Variants in ZNF678 observed in about 807,000 individuals in gnomAD.
ZNF678 encodes zinc finger protein 678.
A neutral mutation model predicts 3.0 loss-of-function variants in ZNF678; 5 were observed. The ratio of observed to expected loss-of-function variants is 1.69; its 90% CI spans 0.88 to 3.56. The LOEUF (loss-of-function observed/expected upper bound fraction) is 3.56. Among genes scored for constraint, ZNF678 ranks in the 30% most tolerant of loss-of-function variants. The pLI, the probability that ZNF678 is intolerant of heterozygous loss-of-function variation, is 0.00. For synonymous variants in ZNF678, 218 were observed against 199.6 expected (o/e 1.09, Z -0.78); for missense variants, 593 against 605.0 (o/e 0.98, Z 0.21).
At chr1:227,628,147 C>T (rs1453293228) in intron 1 of ZNF678, among the ~76,000 whole-genome samples, 1 of 152,222 alleles carries the variant, frequency 6.6e-6, no homozygotes, top group Admixed American at 6.5e-5. Flanking sequence ...ATTTTAACTG[C>T]TTCAGATGCT....
intron 1 of ZNF678, among the ~76,000 whole-genome samples, chr1:227,622,333 A>G (rs1362390967): frequency 6.6e-6 from 1 of 152,200 alleles, no homozygotes; most frequent in African/African-American, 2.4e-5. Context: ...GTCAGCACCC[A>G]CATATTCCAC....
intron 1 of ZNF678, among the ~76,000 whole-genome samples, chr1:227,592,591 T>C (rs1387680020): frequency 6.6e-6 from 1 of 152,244 alleles, no homozygotes; most frequent in African/African-American, 2.4e-5. Context: ...TTGGTTGTAA[T>C]AGATGTAGTT....
At chr1:227,611,449 GC>G (rs1658018816) in intron 1 of ZNF678, among the ~76,000 whole-genome samples, 2 of 152,168 alleles carry the variant, frequency 1.3e-5, no homozygotes, top group South Asian at 4.1e-4. Context: ...GGCTAAAGAG[GC>G]CCAGCATGTT....
chr1:227,651,566 T>C (rs1277282619), intron 3 of ZNF678, among the ~76,000 whole-genome samples: 3 of 152,178 alleles, frequency 2.0e-5, no homozygotes, highest in Non-Finnish European at 4.4e-5. Flanking sequence ...AGTTACAGTG[T>C]TACTTCAGAA....
At position 227,669,726 on chromosome 1, in the gene ZNF678, T is replaced by TA. The variant is rs201398109; in HGVS notation, c.227-7445dup. ...CAACACATGCTATCAAGGCTGCAGA[T>TA]AAAAAAAACCCATACCCCGTTGGTG... On this transcript the variant is annotated intron_variant, in intron 5 of 5. Coordinates refer to the ZNF678 transcript ENST00000608949. 3.0e-3 allele frequency among the ~76,000 whole-genome samples: 459 copies of TA among 151,376 alleles called. 1 individual carries two copies. Among genetic ancestry groups the TA allele is most frequent in the African/African-American group, 0.01 (419 of 41,254 alleles).
In ZNF678 at chr1:227,591,613, C is replaced by A. The variant is rs142305214; in HGVS notation, c.-164+27889C>A. Among the ~76,000 whole-genome samples, 1,112 of 152,168 alleles carry A rather than the reference C, an allele frequency of 7.3e-3. 44 individuals are homozygous for A. Among genetic ancestry groups the A allele is most frequent in the East Asian group, 0.071 (368 of 5,174 alleles). On this transcript the variant is annotated intron_variant, in intron 1 of 3. Coordinates refer to ENST00000343776, the MANE Select transcript of ZNF678 (RefSeq NM_001367909.1). ...TTTACTCGTATCATTTATGAGCCCC[C>A]ACCAGTCTTCAGTTCTTAATCTTAT...
At chr1:227,586,322 A>C (rs552988787) in intron 1 of ZNF678, among the ~76,000 whole-genome samples, 18 of 152,250 alleles carry the variant, frequency 1.2e-4, no homozygotes, top group Non-Finnish European at 1.8e-4. Context: ...AATATTTATT[A>C]AACTAAGCCT....
chr1:227,644,603 A>G (rs1043575943), intron 1 of ZNF678, among the ~76,000 whole-genome samples: 1 of 152,184 alleles, frequency 6.6e-6, no homozygotes, highest in Non-Finnish European at 1.5e-5. Flanking sequence ...TAGGAGGATC[A>G]ACATTAACAC....
chr1:227,620,542 C>T (rs1022993300), intron 1 of ZNF678, among the ~76,000 whole-genome samples: 50 of 152,140 alleles, frequency 3.3e-4, no homozygotes, highest in Non-Finnish European at 8.8e-5. Flanking sequence ...ACAAAATATA[C>T]TTGTAAAGTT....
intron 5 of ZNF678, among the ~76,000 whole-genome samples, chr1:227,673,959 A>G (rs975343820): frequency 1.3e-5 from 2 of 152,254 alleles, no homozygotes; most frequent in South Asian, 2.1e-4. Context: ...ATTATGAAGT[A>G]TATGAGAAAA....
intron 1 of ZNF678, among the ~76,000 whole-genome samples, chr1:227,610,404 T>A (rs937698087): frequency 1.3e-5 from 2 of 152,246 alleles, no homozygotes; most frequent in Non-Finnish European, 2.9e-5. Context: ...TTTGTTAGTG[T>A]AGTTTTAAAT....
At chr1:227,632,588 G>A (rs750703055) in intron 1 of ZNF678, among the ~76,000 whole-genome samples, 2 of 152,058 alleles carry the variant, frequency 1.3e-5, no homozygotes, top group African/African-American at 2.4e-5. Context: ...GGAGATCAAC[G>A]CTCCCAACCC....
intron 1 of ZNF678, among the ~76,000 whole-genome samples, chr1:227,625,722 G>A (rs186628222): frequency 2.8e-4 from 43 of 152,174 alleles, no homozygotes; most frequent in African/African-American, 9.6e-4. Flanking sequence ...GAGAGGTCTA[G>A]TCCTTTGTAG....
rs766033219 is a variant in ZNF678 at position 227,655,543 on chromosome 1, A to C, written c.1293A>C (p.Lys431Asn). 5.6e-6 allele frequency: 9 copies of C among 1,612,724 alleles called. No homozygotes were observed. The highest frequency in any genetic ancestry group is 2.7e-5 in the African/African-American group (2 of 74,980). ...ATAAGAGAATTCATACTGGAGAGAA[A>C]CCCTACAAATGTAAAGAATGTGGCA... ...TSHKRIHTGE[K>N]PYKCKECGKA... is the part of the protein sequence containing the mutation. Residue 431 changes from lysine (K) to asparagine (N), a missense_variant, in exon 4 of 4, where the codon AAA becomes AAC. By Grantham distance (94) the Lys-to-Asn change is moderately conservative. Transcript: ENST00000343776.
chr1:227,594,577 T>A (rs1274110308), intron 1 of ZNF678, among the ~76,000 whole-genome samples: 1 of 152,250 alleles, frequency 6.6e-6, no homozygotes, highest in Non-Finnish European at 1.5e-5. Context: ...AAAGTATACA[T>A]ATTTTTAACC....
chr1:227,672,067 G>T (rs1484389840), intron 5 of ZNF678, among the ~76,000 whole-genome samples: 1 of 152,180 alleles, frequency 6.6e-6, no homozygotes, highest in African/African-American at 2.4e-5. Flanking sequence ...AGTAAAAAGT[G>T]TACAGAGAAG....
rs939619680 is a variant in ZNF678, at chr1:227,636,320, T to C, written c.-163-10224T>C. Among the ~76,000 whole-genome samples, 3 of 152,324 alleles carry C rather than the reference T, an allele frequency of 2.0e-5. No homozygotes were observed. In the East Asian group the frequency reaches 5.8e-4, roughly 29 times the overall value. On this transcript the variant is annotated intron_variant, in intron 1 of 3. Coordinates refer to ENST00000343776, the MANE Select transcript of ZNF678 (RefSeq NM_001367909.1). ...AGAACCGTTTTTCTGTTATCATCTA[T>C]GTTAAGACAGCAGTTTAGAGATATT...
At chr1:227,630,286 C>G (rs989234783) in intron 1 of ZNF678, among the ~76,000 whole-genome samples, 11 of 152,204 alleles carry the variant, frequency 7.2e-5, no homozygotes, top group African/African-American at 2.4e-4. Flanking sequence ...GTCCTTCTAG[C>G]TTGCAAGTTA....
intron 1 of ZNF678, among the ~76,000 whole-genome samples, chr1:227,580,557 A>G (rs930850965): frequency 3.9e-5 from 6 of 152,132 alleles, no homozygotes; most frequent in African/African-American, 1.4e-4. Flanking sequence ...CTTTCTGTCA[A>G]GAACATTAAC....
Sources: allele counts gnomAD v4.1 joint callset (sites outside exome capture counted in the v4.1 genomes callset), GRCh38; gene constraint gnomAD v4.1.1; transcripts MANE v1.5; gene names NCBI Gene and HGNC (gene_info 2026-07-23, HGNC 2026-07-21).